Variants in CDKAL1 observed in about 807,000 individuals in gnomAD.
CDKAL1 encodes the protein CDKAL1 threonylcarbamoyladenosine tRNA methylthiotransferase, also known as threonylcarbamoyladenosine tRNA methylthiotransferase.
A neutral mutation model predicts 68.2 loss-of-function variants in CDKAL1; 32 were observed. The observed-to-expected ratio is 0.47, with a 90% CI of 0.35 to 0.63. CDKAL1 has a LOEUF of 0.63. CDKAL1 is among the 30% of genes least tolerant of loss of function. The pLI, the probability that CDKAL1 is intolerant of heterozygous loss-of-function variation, is 0.00. For missense variants in CDKAL1, 606 were observed against 696.7 expected, an observed-to-expected ratio of 0.87 and a Z score of 1.47; for synonymous variants, 234 against 244.3, an observed-to-expected ratio of 0.96 and a Z score of 0.39.
At chr6:20,780,340 T>A (rs1390689795) in intron 7 of CDKAL1, among the ~76,000 whole-genome samples, 1 of 152,124 alleles carries the variant, frequency 6.6e-6, no homozygotes, top group Non-Finnish European at 1.5e-5. Flanking sequence ...AAGTTTAAAA[T>A]GTTTGTTTGT....
intron 10 of CDKAL1, among the ~76,000 whole-genome samples, chr6:20,964,712 G>T (rs1279876700): frequency 6.6e-6 from 1 of 152,094 alleles, no homozygotes; most frequent in Non-Finnish European, 1.5e-5. Flanking sequence ...GCTGGGTAAT[G>T]AAATAATCTG....
At chr6:20,668,110 TC>T (rs1410353782) in intron 5 of CDKAL1, among the ~76,000 whole-genome samples, 2 of 151,958 alleles carry the variant, frequency 1.3e-5, no homozygotes, top group African/African-American at 4.8e-5. Flanking sequence ...CTCCCTTCCT[TC>T]CTCCAATTGT....
intron 12 of CDKAL1, among the ~76,000 whole-genome samples, chr6:21,107,612 A>G (rs1773913215): frequency 6.6e-6 from 1 of 151,786 alleles, no homozygotes; most frequent in Non-Finnish European, 1.5e-5. Flanking sequence ...TTGTATTTTT[A>G]GTAGAGACTG....
chr6:20,836,784 G>A lies in CDKAL1; in HGVS notation c.639-9291G>A, dbSNP rs549054027. Among the ~76,000 whole-genome samples the A allele has an allele frequency of 3.3e-5, 5 of 152,184 alleles. No individual in the cohort carries two copies. The East Asian group carries it at 9.7e-4, about 29-fold the overall frequency. On this transcript the variant is annotated intron_variant, in intron 8 of 15. Transcript: ENST00000274695. ...GAAAAGAGCTCTCACTGAATTGATAGGGATTCTATCCATCAGTCAAGGAAA... is the reference window on the plus strand; with the variant it reads ...GAAAAGAGCTCTCACTGAATTGATAAGGATTCTATCCATCAGTCAAGGAAA...
At chr6:20,930,599 C>T (rs761413857) in intron 9 of CDKAL1, among the ~76,000 whole-genome samples, 1 of 152,180 alleles carries the variant, frequency 6.6e-6, no homozygotes, top group African/African-American at 2.4e-5. Context: ...GGACCCACAT[C>T]CCCTCATTGT....
At chr6:20,598,006 C>T (rs1380945274) in intron 4 of CDKAL1, among the ~76,000 whole-genome samples, 5 of 152,192 alleles carry the variant, frequency 3.3e-5, no homozygotes, top group African/African-American at 1.2e-4. Flanking sequence ...CCAACATTTT[C>T]TCTCTCTTTT....
At chr6:21,095,678 A>C (rs138608813) in intron 12 of CDKAL1, among the ~76,000 whole-genome samples, 168 of 150,492 alleles carry the variant, frequency 1.1e-3, no homozygotes, top group Middle Eastern at 3.4e-3. Flanking sequence ...TCCACTGGCT[A>C]TCTCTGTGTA....
chr6:20,792,584 A>G (rs1302076614), intron 8 of CDKAL1, among the ~76,000 whole-genome samples: 1 of 151,902 alleles, frequency 6.6e-6, no homozygotes, highest in Non-Finnish European at 1.5e-5. Context: ...TGTCTCTGTT[A>G]TTTTTTTCTA....
At chr6:21,011,235 T>TTAGCCGGGCG (rs1429648812) in intron 11 of CDKAL1, among the ~76,000 whole-genome samples, 5 of 149,090 alleles carry the variant, frequency 3.4e-5, no homozygotes, top group Non-Finnish European at 5.9e-5. Context: ...GACAAAAAAA[T>TTAGCCGGGCG]TAGCCGGGCG....
intron 4 of CDKAL1, among the ~76,000 whole-genome samples, chr6:20,627,245 C>A (rs2127738488): frequency 6.6e-6 from 1 of 152,212 alleles, no homozygotes; most frequent in South Asian, 2.1e-4. Context: ...CAAATATATA[C>A]TTCCAGCACA....
At chr6:21,093,694 CT>C (rs547923386) in intron 12 of CDKAL1, among the ~76,000 whole-genome samples, 3 of 88,086 alleles carry the variant, frequency 3.4e-5, no homozygotes, top group African/African-American at 1.4e-4. Context: ...GCTGCTGCTG[CT>C]TTTTTTTTTT....
At chr6:20,865,492 C>T (rs955693602) in intron 9 of CDKAL1, among the ~76,000 whole-genome samples, 3 of 151,972 alleles carry the variant, frequency 2.0e-5, no homozygotes, top group Non-Finnish European at 2.9e-5. Context: ...CAGAGCCAAG[C>T]AAAACTTCTA....
chr6:20,689,545 G>C (rs1770778497), intron 5 of CDKAL1, among the ~76,000 whole-genome samples: 1 of 152,158 alleles, frequency 6.6e-6, no homozygotes, highest in Non-Finnish European at 1.5e-5. Flanking sequence ...GGATGGAATA[G>C]CAACTTCCAA....
At chr6:20,817,312 G>A (rs1777087821) in intron 8 of CDKAL1, among the ~76,000 whole-genome samples, 1 of 151,818 alleles carries the variant, frequency 6.6e-6, no homozygotes, top group African/African-American at 2.4e-5. Context: ...AATTGAAGTG[G>A]AATTTTGCTT....
chr6:20,711,777 G>C (rs1771858329), intron 5 of CDKAL1, among the ~76,000 whole-genome samples: 1 of 152,172 alleles, frequency 6.6e-6, no homozygotes, highest in African/African-American at 2.4e-5. Context: ...CTTCGTTTGA[G>C]TGGTGATATT....
At chr6:20,558,513 A>G (rs1448359417) in intron 4 of CDKAL1, 1 of 456,438 alleles carries the variant, frequency 2.2e-6, no homozygotes, top group Non-Finnish European at 4.4e-6. Flanking sequence ...AACTAGACAG[A>G]CTCTTTTTGA....
At chr6:21,205,661 G>T (rs371634863) in intron 15 of CDKAL1, among the ~76,000 whole-genome samples, 2 of 150,390 alleles carry the variant, frequency 1.3e-5, no homozygotes, top group African/African-American at 2.5e-5. Context: ...CTCCCGAGTA[G>T]CTGGGACCAC....
chr6:21,054,580 T>C (rs898432436), intron 11 of CDKAL1, among the ~76,000 whole-genome samples: 1 of 152,172 alleles, frequency 6.6e-6, no homozygotes, highest in Non-Finnish European at 1.5e-5. Flanking sequence ...TTCTAATCCA[T>C]GAAAATTATA....
At chr6:20,782,133 G>A (rs1013713231) in intron 8 of CDKAL1, among the ~76,000 whole-genome samples, 7 of 152,268 alleles carry the variant, frequency 4.6e-5, no homozygotes, top group Middle Eastern at 3.4e-3. Context: ...ACTTCCTCCA[G>A]GACAGTGGCG....
Sources: allele counts gnomAD v4.1 joint callset (sites outside exome capture counted in the v4.1 genomes callset), GRCh38; gene constraint gnomAD v4.1.1; transcripts MANE v1.5; gene names NCBI Gene and HGNC (gene_info 2026-07-23, HGNC 2026-07-21).